SOX6: variants seen among roughly 807,000 people sequenced by gnomAD.
SOX6 encodes transcription factor SOX-6.
Under a neutral mutation model 97.8 loss-of-function variants are expected in SOX6, and 11 were observed. The observed-to-expected ratio is 0.11, with a 90% CI of 0.07 to 0.19. The LOEUF is 0.19. Ranked by LOEUF, SOX6 falls within the 10% of genes least tolerant of loss-of-function variation. The pLI, the probability that SOX6 is intolerant of heterozygous loss-of-function variation, is 1.00. For synonymous variants in SOX6, 360 were observed against 371.4 expected, an observed-to-expected ratio of 0.97 and a Z score of 0.35; for missense variants, 810 against 1,039.5, an observed-to-expected ratio of 0.78 and a Z score of 3.04.
chr11:16,197,661 G>A (rs185090468), intron 4 of SOX6, among the ~76,000 whole-genome samples: 1 of 152,142 alleles, frequency 6.6e-6, no homozygotes, highest in East Asian at 1.9e-4. Flanking sequence ...AATAGGTGCT[G>A]CCAAATATAT....
At chr11:16,134,392 C>T (rs936797760) in intron 6 of SOX6, among the ~76,000 whole-genome samples, 1 of 148,580 alleles carries the variant, frequency 6.7e-6, no homozygotes, top group African/African-American at 2.6e-5. Context: ...TAAGGAAAGC[C>T]TTGAAAACTT....
intron 4 of SOX6, among the ~76,000 whole-genome samples, chr11:16,544,268 T>C (rs373107609): frequency 1.3e-5 from 2 of 152,102 alleles, no homozygotes; most frequent in Admixed American, 6.6e-5. Context: ...TTGTTTCATT[T>C]TGTTTTCTGG....
intron 5 of SOX6, among the ~76,000 whole-genome samples, chr11:16,185,164 C>G (rs1481975405): frequency 6.6e-6 from 1 of 152,102 alleles, no homozygotes; most frequent in Admixed American, 6.5e-5. Flanking sequence ...ACAACTGGTT[C>G]CTACTGGAAG....
At chr11:16,107,786 A>G (rs889803697) in intron 7 of SOX6, among the ~76,000 whole-genome samples, 3 of 152,140 alleles carry the variant, frequency 2.0e-5, no homozygotes, top group Non-Finnish European at 4.4e-5. Context: ...CTAAAACAAT[A>G]ACTATTATAT....
intron 12 of SOX6, among the ~76,000 whole-genome samples, chr11:16,035,259 T>C (rs1855489280): frequency 6.6e-6 from 1 of 152,188 alleles, no homozygotes; most frequent in East Asian, 1.9e-4. Context: ...AGACAGAATA[T>C]GGGATTCAAA....
chr11:16,411,341 A>G (rs997038791), intron 1 of SOX6, among the ~76,000 whole-genome samples: 34 of 152,144 alleles, frequency 2.2e-4, no homozygotes, highest in African/African-American at 7.2e-4. Flanking sequence ...TAGCACCCCA[A>G]TCTTTTCCTA....
At chr11:16,241,857 A>G (rs1309943148) in intron 3 of SOX6, among the ~76,000 whole-genome samples, 2 of 152,092 alleles carry the variant, frequency 1.3e-5, no homozygotes, top group Non-Finnish European at 1.5e-5. Flanking sequence ...AAGGAGCAGC[A>G]GTAAGAATGG....
chr11:16,647,438 T>C (rs1315368255), intron 3 of SOX6, among the ~76,000 whole-genome samples: 1 of 152,150 alleles, frequency 6.6e-6, no homozygotes, highest in African/African-American at 2.4e-5. Flanking sequence ...AATAGCATGA[T>C]CCTTGTCATG....
At chr11:16,327,353 T>G (rs1057044086) in intron 2 of SOX6, among the ~76,000 whole-genome samples, 18 of 152,282 alleles carry the variant, frequency 1.2e-4, no homozygotes, top group South Asian at 1.0e-3. Flanking sequence ...TGCCCTTTTT[T>G]TCTATTTTCA....
chr11:16,556,307 T>C (rs1847748030), intron 4 of SOX6, among the ~76,000 whole-genome samples: 2 of 151,668 alleles, frequency 1.3e-5, no homozygotes, highest in South Asian at 2.1e-4. Flanking sequence ...ATAAAATAAA[T>C]GGAAATATGG....
intron 6 of SOX6, among the ~76,000 whole-genome samples, chr11:16,173,103 T>G (rs1406250554): frequency 2.0e-5 from 3 of 151,844 alleles, no homozygotes; most frequent in Non-Finnish European, 4.4e-5. Flanking sequence ...GTTAGAAACA[T>G]GTATAGATAT....
chr11:16,374,706 G>T (rs1398294859), intron 1 of SOX6, among the ~76,000 whole-genome samples: 1 of 151,990 alleles, frequency 6.6e-6, no homozygotes, highest in Non-Finnish European at 1.5e-5. Context: ...ATGGCAAAAA[G>T]AATTATGTGC....
At chr11:16,638,175 G>A (rs1161096210) in intron 3 of SOX6, among the ~76,000 whole-genome samples, 6 of 151,010 alleles carry the variant, frequency 4.0e-5, no homozygotes, top group Non-Finnish European at 7.4e-5. Context: ...TTGTCCTTGC[G>A]ATAGTTTGCT....
intron 4 of SOX6, among the ~76,000 whole-genome samples, chr11:16,525,956 G>A (rs1341241440): frequency 6.6e-6 from 1 of 152,100 alleles, no homozygotes; most frequent in African/African-American, 2.4e-5. Flanking sequence ...ACCAGTTAGA[G>A]TGGCGATCAT....
chr11:16,462,439 T>C (rs1045116394), intron 1 of SOX6, among the ~76,000 whole-genome samples: 1 of 152,234 alleles, frequency 6.6e-6, no homozygotes, highest in Non-Finnish European at 1.5e-5. Context: ...AGCTACTTCC[T>C]GTTTGACCTA....
intron 3 of SOX6, among the ~76,000 whole-genome samples, chr11:16,662,580 G>T (rs1273324480): frequency 6.6e-6 from 1 of 151,870 alleles, no homozygotes; most frequent in Non-Finnish European, 1.5e-5. Flanking sequence ...ATTCAAGATT[G>T]GTTTAACATT....
rs143460637 is a variant in SOX6, at chr11:16,665,932, C to A, written n.429+48898G>T. On this transcript the variant is annotated intron_variant and non_coding_transcript_variant, in intron 3 of 5. Transcript: ENST00000524520. ...AATTCTTCTAGATCTTATCTAAGAC[C>A]ACCAAGTTGGCACATCTGTAAGTCT... 3.4e-3 allele frequency among the ~76,000 whole-genome samples: 516 copies of A among 152,310 alleles called. 3 individuals carry two copies. The highest frequency in any genetic ancestry group is 0.012 in the African/African-American group (493 of 41,558).
At chr11:16,723,214 C>T (rs1458482133) in intron 2 of SOX6, among the ~76,000 whole-genome samples, 1 of 152,098 alleles carries the variant, frequency 6.6e-6, no homozygotes, top group African/African-American at 2.4e-5. Context: ...CCTTAGCAAA[C>T]TAACGCAGCA....
At chr11:16,493,120 A>T (rs11023964) in intron 4 of SOX6, among the ~76,000 whole-genome samples, 25,421 of 152,168 alleles carry the variant, frequency 0.17, 2,613 homozygotes, top group Admixed American at 0.3. Flanking sequence ...AATTTACCCA[A>T]CAAAGGTGCA....
Sources: allele counts gnomAD v4.1 joint callset (sites outside exome capture counted in the v4.1 genomes callset), GRCh38; gene constraint gnomAD v4.1.1; transcripts MANE v1.5; gene names NCBI Gene and HGNC (gene_info 2026-07-23, HGNC 2026-07-21).